The following HECW1 variants were observed in gnomAD, a reference collection of about 807,000 sequenced individuals.
HECW1 encodes HECT, C2 and WW domain containing E3 ubiquitin protein ligase 1.
HECW1 carries 61 observed loss-of-function variants against 182.3 expected under a neutral mutation model. The ratio of observed to expected loss-of-function variants is 0.33; its 90% CI spans 0.27 to 0.41. The LOEUF is 0.41. Among genes scored for constraint, HECW1 ranks in the 10% least tolerant of loss-of-function variants. The probability of loss-of-function intolerance (pLI) is 1.00; values close to 1 mark genes in which losing one functional copy is unlikely to be tolerated. For synonymous variants in HECW1, 859 were observed against 832.6 expected (o/e 1.03, Z -0.55); for missense variants, 1,739 against 2,108.9 (o/e 0.82, Z 3.44).
At chr7:43,320,531 T>G (rs1809974458) in intron 4 of HECW1, 104 bp from the exon 5 acceptor site, 27 of 778,348 alleles carry the variant, frequency 3.5e-5, no homozygotes, top group Non-Finnish European at 5.3e-5. Flanking sequence ...TTTCTTCTGT[T>G]GAGATGGAAG....
intron 3 of HECW1, among the ~76,000 whole-genome samples, chr7:43,289,886 A>T (rs929332366): frequency 1.3e-5 from 2 of 152,238 alleles, no homozygotes; most frequent in East Asian, 1.9e-4. Context: ...TGCAAGTCAT[A>T]GATGGGTTTT....
intron 2 of HECW1, among the ~76,000 whole-genome samples, chr7:43,199,176 G>A (rs758387143): frequency 2.7e-4 from 41 of 152,166 alleles, no homozygotes; most frequent in African/African-American, 4.8e-4. Flanking sequence ...CCTTCTGCAC[G>A]CCTGGTCTCT....
intron 2 of HECW1, among the ~76,000 whole-genome samples, chr7:43,240,635 T>C (rs896768421): frequency 6.6e-5 from 10 of 152,198 alleles, no homozygotes; most frequent in African/African-American, 2.4e-4. Flanking sequence ...ATTTGATTTT[T>C]AATAATCCTA....
intron 2 of HECW1, among the ~76,000 whole-genome samples, chr7:43,161,295 A>T (rs1390974415): frequency 6.6e-6 from 1 of 152,012 alleles, no homozygotes; most frequent in Non-Finnish European, 1.5e-5. Flanking sequence ...TATGTTGGTT[A>T]ATGGTATTCC....
chr7:43,135,136 C>T (rs1787388252), intron 2 of HECW1, among the ~76,000 whole-genome samples: 1 of 152,004 alleles, frequency 6.6e-6, no homozygotes, highest in Non-Finnish European at 1.5e-5. Context: ...TCTTTTTTCA[C>T]TTACTAACAG....
chr7:43,501,839 TAAAA>T (rs1231149364), intron 21 of HECW1, among the ~76,000 whole-genome samples: 4 of 149,750 alleles, frequency 2.7e-5, no homozygotes, highest in Non-Finnish European at 4.5e-5. Context: ...TAAAAAAAAA[TAAAA>T]AAGAAAGAAA....
intron 2 of HECW1, among the ~76,000 whole-genome samples, chr7:43,128,025 C>T (rs545585580): frequency 4.6e-5 from 7 of 152,046 alleles, no homozygotes; most frequent in South Asian, 2.1e-4. Context: ...ACAACAGGTG[C>T]GCACCACCAC....
intron 14 of HECW1, 75 bp downstream of exon 14, chr7:43,463,874 C>T: frequency 6.5e-7 from 1 of 1,527,556 alleles, no homozygotes; most frequent in Non-Finnish European, 9.0e-7. Context: ...AGCCTCCCAC[C>T]CTGCCTCATG....
At chr7:43,526,124 T>C (rs1194204649) in intron 24 of HECW1, among the ~76,000 whole-genome samples, 2 of 152,240 alleles carry the variant, frequency 1.3e-5, no homozygotes, top group African/African-American at 4.8e-5. Context: ...ATGCAATTAA[T>C]TCAGAACCAA....
chr7:43,357,542 G>A (rs1219998294), intron 5 of HECW1, among the ~76,000 whole-genome samples: 1 of 152,148 alleles, frequency 6.6e-6, no homozygotes, highest in Non-Finnish European at 1.5e-5. Flanking sequence ...GAGTAGATTG[G>A]TGGTTACCAG....
intron 3 of HECW1, among the ~76,000 whole-genome samples, chr7:43,276,098 A>C (rs942599309): frequency 2.6e-5 from 4 of 152,194 alleles, no homozygotes; most frequent in African/African-American, 9.6e-5. Context: ...ATGGGGGCCC[A>C]GTGGGAAGAT....
intron 3 of HECW1, among the ~76,000 whole-genome samples, chr7:43,304,478 AT>A (rs1158354975): frequency 3.3e-5 from 5 of 150,386 alleles, no homozygotes; most frequent in Non-Finnish European, 7.4e-5. Flanking sequence ...TTATTTATTT[AT>A]TTATTTATTT....
chr7:43,361,145 A>G (rs546359720), intron 6 of HECW1, among the ~76,000 whole-genome samples, 165 bp downstream of exon 6: 1 of 152,212 alleles, frequency 6.6e-6, no homozygotes, highest in Non-Finnish European at 1.5e-5. Flanking sequence ...GAATAAATGG[A>G]AAGACACCTC....
intron 3 of HECW1, among the ~76,000 whole-genome samples, chr7:43,262,251 T>TGTGTGTGTGC (rs1801260904): frequency 6.6e-6 from 1 of 151,614 alleles, no homozygotes; most frequent in Non-Finnish European, 1.5e-5. Flanking sequence ...TGTGTGCGTG[T>TGTGTGTGTGC]GTGTGTGTGT....
rs898152994 is a variant in HECW1, at chr7:43,565,006, G to C, written c.*3080G>C. On this transcript the variant is annotated 3_prime_UTR_variant, in exon 30 of 30. Transcript: ENST00000395891. ...TAAGAGTGTAACGCCTTTAATCAGGGGACAAACAAGAACAATAAATAAGAG... is the reference window on the plus strand; with the variant it reads ...TAAGAGTGTAACGCCTTTAATCAGGCGACAAACAAGAACAATAAATAAGAG... 1 of 186,404 alleles carries C rather than the reference G, an allele frequency of 5.4e-6. No individual in the cohort carries two copies. Among genetic ancestry groups the C allele is most frequent in the African/African-American group, 2.3e-5 (1 of 42,584 alleles). 11.5% of individuals were successfully genotyped at this position (186,404 alleles called of 1,614,324 possible). A position where few individuals can be genotyped will look rare whatever the true frequency, so the allele number is the denominator to read the frequency against.
intron 5 of HECW1, among the ~76,000 whole-genome samples, chr7:43,341,172 CA>C (rs1442758395): frequency 6.6e-6 from 1 of 151,308 alleles, no homozygotes; most frequent in Non-Finnish European, 1.5e-5. Flanking sequence ...GGTTGGGGGG[CA>C]GGGGGAGGGA....
intron 6 of HECW1, among the ~76,000 whole-genome samples, chr7:43,388,736 C>G (rs1223744327): frequency 6.6e-6 from 1 of 152,186 alleles, no homozygotes; most frequent in African/African-American, 2.4e-5. Context: ...AATTCTCATG[C>G]CTCAGCCCCT....
intron 24 of HECW1, chr7:43,510,338 G>A (rs573043898): frequency 2.0e-5 from 3 of 152,166 alleles, no homozygotes; most frequent in Non-Finnish European, 2.9e-5. Flanking sequence ...TTAAGATGGT[G>A]TCTTAGAGAT....
intron 3 of HECW1, among the ~76,000 whole-genome samples, chr7:43,272,327 A>G (rs1383028068): frequency 2.0e-5 from 3 of 152,186 alleles, no homozygotes; most frequent in Non-Finnish European, 4.4e-5. Context: ...ACAAAAGTTG[A>G]CAAGTGGAAC....
Sources: gnomAD v4.1 joint callset for allele counts (sites outside exome capture counted in the v4.1 genomes callset) on GRCh38, gnomAD v4.1.1 for gene constraint, MANE v1.5 for transcripts, NCBI Gene and HGNC (gene_info 2026-07-23, HGNC 2026-07-21) for gene names.